Variants in TMPRSS15 observed in about 807,000 individuals in gnomAD.
TMPRSS15 encodes transmembrane serine protease 15.
A neutral mutation model predicts 125.3 loss-of-function variants in TMPRSS15; 128 were observed. The observed-to-expected ratio is 1.02, with a 90% CI of 0.89 to 1.18. The LOEUF is 1.18. TMPRSS15 is among the 50% of genes most tolerant of loss of function. TMPRSS15 has a pLI of 0.00. For missense variants in TMPRSS15, 1,283 were observed against 1,212.7 expected (o/e 1.06, Z -0.86); for synonymous variants, 446 against 423.2 (o/e 1.05, Z -0.66).
At chr21:18,349,722 G>T (rs2147000459) in intron 10 of TMPRSS15, among the ~76,000 whole-genome samples, 1 of 152,190 alleles carries the variant, frequency 6.6e-6, no homozygotes, top group East Asian at 1.9e-4. Context: ...TATATGACTT[G>T]TCTAATTTTA....
At chr21:18,467,094 T>C (rs574147604) in intron 1 of TMPRSS15, among the ~76,000 whole-genome samples, 2 of 152,236 alleles carry the variant, frequency 1.3e-5, no homozygotes, top group African/African-American at 4.8e-5. Context: ...AAAGGATGCG[T>C]TCATGTCCTT....
At chr21:18,319,841 TACA>T (rs948580854) in intron 16 of TMPRSS15, among the ~76,000 whole-genome samples, 33 of 152,214 alleles carry the variant, frequency 2.2e-4, no homozygotes, top group Admixed American at 1.8e-3. Context: ...CTCAGTATCT[TACA>T]ACAATAATTG....
intron 1 of TMPRSS15, among the ~76,000 whole-genome samples, chr21:18,443,892 C>T (rs944131202): frequency 1.3e-5 from 2 of 152,158 alleles, no homozygotes; most frequent in Non-Finnish European, 1.5e-5. Flanking sequence ...CCTGTTGTGG[C>T]GGGAAGCACC....
At chr21:18,400,509 G>T (rs2076085106) in intron 1 of TMPRSS15, among the ~76,000 whole-genome samples, 1 of 152,066 alleles carries the variant, frequency 6.6e-6, no homozygotes, top group Non-Finnish European at 1.5e-5. Flanking sequence ...AAACAGTGCT[G>T]GTATATCTGG....
chr21:18,349,101 CA>C (rs1437855196), intron 10 of TMPRSS15, among the ~76,000 whole-genome samples: 2 of 152,296 alleles, frequency 1.3e-5, no homozygotes, highest in African/African-American at 4.8e-5. Flanking sequence ...CTACCTCCCA[CA>C]GTATTACAAA....
intron 8 of TMPRSS15, among the ~76,000 whole-genome samples, chr21:18,354,535 AC>A (rs998921912): frequency 2.6e-5 from 4 of 151,782 alleles, no homozygotes; most frequent in African/African-American, 9.7e-5. Flanking sequence ...ATGAAAATGT[AC>A]AGCACATACA....
chr21:18,415,407 A>G (rs373100372), intron 1 of TMPRSS15, among the ~76,000 whole-genome samples: 36 of 152,190 alleles, frequency 2.4e-4, no homozygotes, highest in African/African-American at 8.7e-4. Flanking sequence ...TTTTAGTGCC[A>G]TAGTCAAGAA....
At chr21:18,359,399 C>T (rs981020904) in intron 8 of TMPRSS15, among the ~76,000 whole-genome samples, 15 of 152,048 alleles carry the variant, frequency 9.9e-5, no homozygotes, top group African/African-American at 1.9e-4. Flanking sequence ...TTATAACCTA[C>T]GCAATGCAGA....
At chr21:18,409,623 C>G (rs1347422892) in intron 1 of TMPRSS15, among the ~76,000 whole-genome samples, 1 of 151,888 alleles carries the variant, frequency 6.6e-6, no homozygotes. Flanking sequence ...AATGCTGTTG[C>G]TTTGTTGTAA....
chr21:18,477,870 G>A (rs1978907898), intron 1 of TMPRSS15, among the ~76,000 whole-genome samples: 1 of 151,974 alleles, frequency 6.6e-6, no homozygotes, highest in African/African-American at 2.4e-5. Flanking sequence ...TTCAGACATG[G>A]GAATAGATTT....
chr21:18,320,246 T>C (rs1366683510), intron 16 of TMPRSS15, among the ~76,000 whole-genome samples: 9 of 152,046 alleles, frequency 5.9e-5, no homozygotes, highest in Admixed American at 5.9e-4. Context: ...TAAATATATA[T>C]TTTAATATAC....
chr21:18,293,331 T>C (rs761398245), intron 21 of TMPRSS15, among the ~76,000 whole-genome samples: 1 of 152,152 alleles, frequency 6.6e-6, no homozygotes, highest in Non-Finnish European at 1.5e-5. Flanking sequence ...TCCTCGTCAA[T>C]GCCTGGTTCT....
At chr21:18,301,116 C>T (rs1306351076) in intron 18 of TMPRSS15, among the ~76,000 whole-genome samples, 1 of 152,078 alleles carries the variant, frequency 6.6e-6, no homozygotes, top group South Asian at 2.1e-4. Flanking sequence ...ACAAAATTAT[C>T]ACATAATTAC....
chr21:18,282,865 G>A (rs1418048087), intron 21 of TMPRSS15, among the ~76,000 whole-genome samples: 2 of 152,172 alleles, frequency 1.3e-5, no homozygotes, highest in South Asian at 4.1e-4. Context: ...CTCTGAGTGG[G>A]GTGCCATGGG....
chr21:18,280,579 A>AAAAAAAAAAAAAC (rs2074681720), intron 22 of TMPRSS15, among the ~76,000 whole-genome samples: 1 of 147,086 alleles, frequency 6.8e-6, no homozygotes, highest in Non-Finnish European at 1.5e-5. Flanking sequence ...CCGTCTCAAA[A>AAAAAAAAAAAAAC]AAAAAAAAAA....
intron 20 of TMPRSS15, 30 bp from the exon 21 acceptor site, chr21:18,294,474 A>T (rs1221898177): frequency 6.2e-7 from 1 of 1,613,868 alleles, no homozygotes; most frequent in Admixed American, 1.7e-5. Context: ...AAGAGCATCT[A>T]TTTCATTTTT....
intron 21 of TMPRSS15, among the ~76,000 whole-genome samples, chr21:18,285,879 G>T (rs959232957): frequency 3.9e-5 from 6 of 152,156 alleles, no homozygotes; most frequent in African/African-American, 1.4e-4. Flanking sequence ...TAGGCAACAA[G>T]AATATGTTTA....
intron 10 of TMPRSS15, among the ~76,000 whole-genome samples, chr21:18,350,583 C>G (rs1473940636): frequency 6.6e-6 from 1 of 152,018 alleles, no homozygotes; most frequent in Non-Finnish European, 1.5e-5. Flanking sequence ...CTAATTCTTT[C>G]AATTCCTTAC....
At chr21:18,333,549 AT>A (rs2075364428) in intron 13 of TMPRSS15, among the ~76,000 whole-genome samples, 1 of 150,946 alleles carries the variant, frequency 6.6e-6, no homozygotes, top group East Asian at 1.9e-4. Flanking sequence ...TTTTTTTTTC[AT>A]TTTATTTATT....
Sources: allele counts gnomAD v4.1 joint callset (sites outside exome capture counted in the v4.1 genomes callset), GRCh38; gene constraint gnomAD v4.1.1; transcripts MANE v1.5; gene names NCBI Gene and HGNC (gene_info 2026-07-23, HGNC 2026-07-21).